SLC25A21: variants seen among roughly 807,000 people sequenced by gnomAD.
The protein encoded by SLC25A21 is solute carrier family 25 member 21.
In SLC25A21, 47 loss-of-function variants were observed where a neutral mutation model predicts 43.8. The ratio of observed to expected loss-of-function variants is 1.07; its 90% CI spans 0.85 to 1.37. The LOEUF (loss-of-function observed/expected upper bound fraction) is 1.37. Among genes scored for constraint, SLC25A21 ranks in the 40% most tolerant of loss-of-function variants. The pLI is 0.00. For synonymous variants in SLC25A21, 131 were observed against 121.3 expected (o/e 1.08, Z -0.52); for missense variants, 352 against 350.2 (o/e 1.00, Z -0.04).
At chr14:37,035,851 C>T (rs1961315819) in intron 1 of SLC25A21, among the ~76,000 whole-genome samples, 1 of 152,186 alleles carries the variant, frequency 6.6e-6, no homozygotes, top group Admixed American at 6.5e-5. Flanking sequence ...GCTAACTTTG[C>T]TGTTTATGTA....
At chr14:37,095,812 G>A (rs947684045) in intron 1 of SLC25A21, among the ~76,000 whole-genome samples, 17 of 32,678 alleles carry the variant, frequency 5.2e-4, no homozygotes, top group Admixed American at 1.5e-3. Context: ...ACACACACAC[G>A]CGCACGCACA....
chr14:36,711,489 A>G lies in SLC25A21; in HGVS notation c.439-7T>C. On this transcript the variant is annotated splice_region_variant and splice_polypyrimidine_tract_variant and intron_variant, in intron 6 of 9. Transcript: ENST00000331299. Reference sequence around the variant, plus strand: ...AACCCACAGTGGATGGTTGCTGCAGAAGAGAGAAGCAAGGCCAGAATGATC... The same window carrying G: ...AACCCACAGTGGATGGTTGCTGCAGGAGAGAGAAGCAAGGCCAGAATGATC... 2 of 1,612,618 alleles carry G rather than the reference A, an allele frequency of 1.2e-6. No homozygotes were observed. Among genetic ancestry groups the G allele is most frequent in the Non-Finnish European group, 1.7e-6 (2 of 1,179,488 alleles).
At chr14:37,091,381 C>T (rs977050410) in intron 1 of SLC25A21, among the ~76,000 whole-genome samples, 2 of 151,838 alleles carry the variant, frequency 1.3e-5, no homozygotes, top group East Asian at 1.9e-4. Context: ...TTGAAGTGAA[C>T]CGAGATTGCA....
chr14:36,827,967 T>C (rs1888895497), intron 2 of SLC25A21, among the ~76,000 whole-genome samples: 1 of 152,334 alleles, frequency 6.6e-6, no homozygotes, highest in Admixed American at 6.5e-5. Context: ...ACAACTTTTT[T>C]GTTACATTGC....
intron 3 of SLC25A21, among the ~76,000 whole-genome samples, chr14:36,785,887 C>T (rs1887232819): frequency 6.6e-6 from 1 of 152,172 alleles, no homozygotes; most frequent in South Asian, 2.1e-4. Context: ...TCTTACAAGT[C>T]AAGTGCTTAA....
chr14:37,047,818 T>A (rs1961620398), intron 1 of SLC25A21, among the ~76,000 whole-genome samples: 1 of 152,168 alleles, frequency 6.6e-6, no homozygotes, highest in Non-Finnish European at 1.5e-5. Flanking sequence ...TGATTTCCAA[T>A]GTATCACCCA....
At chr14:37,013,160 G>T (rs1298306642) in intron 1 of SLC25A21, among the ~76,000 whole-genome samples, 1 of 152,142 alleles carries the variant, frequency 6.6e-6, no homozygotes, top group Non-Finnish European at 1.5e-5. Flanking sequence ...TGTTCTATGG[G>T]TGTGAAATAG....
chr14:36,790,036 G>C (rs1887428545), intron 3 of SLC25A21, among the ~76,000 whole-genome samples: 1 of 145,886 alleles, frequency 6.9e-6, no homozygotes, highest in African/African-American at 2.5e-5. Flanking sequence ...TTGATAAAAA[G>C]AGAAAGGTAT....
intron 1 of SLC25A21, among the ~76,000 whole-genome samples, chr14:36,893,335 C>G (rs1891137103): frequency 6.6e-6 from 1 of 152,198 alleles, no homozygotes; most frequent in Non-Finnish European, 1.5e-5. Context: ...CTGTTGGCTG[C>G]ATAAAAGTCT....
At chr14:36,908,516 C>T (rs1891594412) in intron 1 of SLC25A21, among the ~76,000 whole-genome samples, 1 of 152,208 alleles carries the variant, frequency 6.6e-6, no homozygotes. Context: ...ATGCACCGCA[C>T]TATCCAGTAG....
intron 1 of SLC25A21, among the ~76,000 whole-genome samples, chr14:36,928,940 T>C (rs1364346004): frequency 3.9e-5 from 6 of 152,192 alleles, no homozygotes; most frequent in African/African-American, 1.2e-4. Flanking sequence ...CCAGGCTTGC[T>C]ATAAAAAACT....
chr14:36,777,575 A>G (rs2138370821), intron 3 of SLC25A21, among the ~76,000 whole-genome samples: 1 of 152,320 alleles, frequency 6.6e-6, no homozygotes, highest in East Asian at 1.9e-4. Context: ...AGAAACACAG[A>G]GGAGAAGGCC....
Position 36,883,448 on chromosome 14 carries a change from G to A in SLC25A21, c.71-8444C>T, listed in dbSNP as rs557403821. Among the ~76,000 whole-genome samples the A allele has an allele frequency of 5.9e-5, 9 of 152,218 alleles. No homozygotes were observed. The South Asian group carries it at 1.5e-3, about 25-fold the overall frequency. On this transcript the variant is annotated intron_variant, in intron 1 of 9. Coordinates refer to ENST00000331299, the MANE Select transcript of SLC25A21 (RefSeq NM_030631.4). ...GCCCAGCACTGATAAATGTCTTCAC[G>A]CTGCTCTGCTTTTTCATTTCTCTCT...
intron 1 of SLC25A21, among the ~76,000 whole-genome samples, chr14:36,884,652 T>C (rs1481165413): frequency 2.0e-5 from 3 of 152,174 alleles, no homozygotes; most frequent in Non-Finnish European, 4.4e-5. Context: ...ATCTTTCATC[T>C]TTTTAGTAAC....
intron 1 of SLC25A21, among the ~76,000 whole-genome samples, chr14:37,132,418 T>C (rs1301717194): frequency 6.6e-6 from 1 of 152,096 alleles, no homozygotes; most frequent in East Asian, 1.9e-4. Flanking sequence ...AGGTTGAAAG[T>C]GCAAATTTAA....
intron 1 of SLC25A21, among the ~76,000 whole-genome samples, chr14:36,982,561 T>C (rs1960052624): frequency 6.6e-6 from 1 of 152,118 alleles, no homozygotes; most frequent in South Asian, 2.1e-4. Context: ...GGTGCAGTAA[T>C]CACACCACTT....
intron 3 of SLC25A21, among the ~76,000 whole-genome samples, chr14:36,785,362 C>T (rs1258553354): frequency 6.6e-6 from 1 of 152,192 alleles, no homozygotes; most frequent in South Asian, 2.1e-4. Context: ...GAATTCATTG[C>T]CATGCATTTA....
rs142937819 is a variant in SLC25A21 at position 37,037,939 on chromosome 14, T to G, written c.70+134342A>C. Among the ~76,000 whole-genome samples, 297 of 152,328 alleles carry G rather than the reference T, an allele frequency of 1.9e-3. 1 individual carries two copies. Among genetic ancestry groups the G allele is most frequent in the African/African-American group, 6.9e-3 (285 of 41,568 alleles). On this transcript the variant is annotated intron_variant, in intron 1 of 9. Coordinates refer to ENST00000331299, the MANE Select transcript of SLC25A21 (RefSeq NM_030631.4). ...GTTCTGTATGCTGCAGATGTTTATA[T>G]TTTTCTGAAGATTCCTCTGCTTCTG...
chr14:36,943,819 A>G (rs17105735), intron 1 of SLC25A21, among the ~76,000 whole-genome samples: 9,312 of 152,210 alleles, frequency 0.061, 408 homozygotes, highest in Middle Eastern at 0.15. Flanking sequence ...TATACCACCT[A>G]ACTGGGCCTT....
Sources: allele counts gnomAD v4.1 joint callset (sites outside exome capture counted in the v4.1 genomes callset), GRCh38; gene constraint gnomAD v4.1.1; transcripts MANE v1.5; gene names NCBI Gene and HGNC (gene_info 2026-07-23, HGNC 2026-07-21).